The following CCNDBP1 variants were observed in gnomAD, a reference collection of about 807,000 sequenced individuals.
CCNDBP1 encodes cyclin-D1-binding protein 1.
Under a neutral mutation model 46.2 loss-of-function variants are expected in CCNDBP1, and 45 were observed. That is an observed-to-expected ratio of 0.97 (90% CI 0.77 to 1.25). The LOEUF (loss-of-function observed/expected upper bound fraction) is 1.25. Among genes scored for constraint, CCNDBP1 ranks in the 50% most tolerant of loss-of-function variants. The pLI is 0.00. For synonymous variants in CCNDBP1, 154 were observed against 163.6 expected, an observed-to-expected ratio of 0.94 and a Z score of 0.45; for missense variants, 436 against 442.1, an observed-to-expected ratio of 0.99 and a Z score of 0.12.
Position 43,185,454 on chromosome 15 carries a change from G to A in CCNDBP1, c.-45G>A. 1 of 1,445,622 alleles carries A rather than the reference G, an allele frequency of 6.9e-7. No homozygotes were observed. The highest frequency in any genetic ancestry group is 1.4e-5 in the African/African-American group (1 of 71,484). The allele number at this position is 1,445,622 out of a possible 1,614,324, so 89.5% of individuals were successfully genotyped here. A position where few individuals can be genotyped will look rare whatever the true frequency, so the allele number is the denominator to read the frequency against. ...CGGCTGTCGCAGTGCGGCTCCGGCA[G>A]TGGCAGCGGAGGCCTGTGTTTGCGG... On this transcript the variant is annotated 5_prime_UTR_variant, in exon 1 of 11. The change creates a new upstream start codon in the 5' untranslated region. Coordinates refer to ENST00000300213, the MANE Select transcript of CCNDBP1 (RefSeq NM_012142.5).
At chr15:43,189,168 A>G (rs753383589) in intron 3 of CCNDBP1, 31 bp from the exon 4 acceptor site, 6 of 1,284,132 alleles carry the variant, frequency 4.7e-6, no homozygotes, top group Non-Finnish European at 6.8e-6. Flanking sequence ...AGGGTTGACC[A>G]CTTTGATCTA....
chr15:43,185,610 G>A lies in CCNDBP1; in HGVS notation c.109+3G>A, dbSNP rs1472804343. 1.3e-6 allele frequency: 2 copies of A among 1,547,536 alleles called. No individual in the cohort carries two copies. The highest frequency in any genetic ancestry group is 1.7e-6 in the Non-Finnish European group (2 of 1,146,994). The stretch of plus-strand genomic sequence containing the variant: ...GTTGCTCCTGCCTCGAGTGCGGGGT[G>A]AGCTGACGGAGTTAGAACGGGCGAC... On this transcript the variant is annotated splice_donor_region_variant and intron_variant, in intron 1 of 10. Coordinates refer to ENST00000300213, the MANE Select transcript of CCNDBP1 (RefSeq NM_012142.5).
chr15:43,190,890 T>C, intron 6 of CCNDBP1, 76 bp from the exon 7 acceptor site: 1 of 1,167,624 alleles, frequency 8.6e-7, no homozygotes. Flanking sequence ...AGGAACAATG[T>C]GATTGTTCCT....
At chr15:43,188,581 T>C (rs2041889885) in intron 3 of CCNDBP1, 1 of 152,268 alleles carries the variant, frequency 6.6e-6, no homozygotes, top group South Asian at 2.1e-4. Context: ...GGACCACAGT[T>C]TGCCAGCTCC....
chr15:43,190,893 T>C, intron 6 of CCNDBP1, 73 bp from the exon 7 acceptor site: 1 of 1,215,684 alleles, frequency 8.2e-7, no homozygotes, highest in Non-Finnish European at 1.2e-6. Flanking sequence ...AACAATGTGA[T>C]TGTTCCTTGC....
intron 4 of CCNDBP1, 90 bp downstream of exon 4, chr15:43,189,370 C>T: frequency 2.9e-6 from 2 of 691,434 alleles, no homozygotes; most frequent in Non-Finnish European, 2.4e-6. Context: ...CCAACTTGAA[C>T]ATGTAACTTT....
rs933383898 is a variant in CCNDBP1, at chr15:43,185,862, T to A, written c.152T>A (p.Met51Lys). 2 of 1,611,500 alleles carry A rather than the reference T, an allele frequency of 1.2e-6. No homozygotes were observed. The highest frequency in any genetic ancestry group is 1.7e-6 in the Non-Finnish European group (2 of 1,179,914). The change falls in exon 2 of 11, where the codon ATG (methionine) becomes AAG (lysine). Residue 51 changes from methionine (M) to lysine (K), a missense_variant. Transcript: ENST00000300213. ...QETTEEFNRE[M>K]FWRRLNEAAV... Reference sequence around the variant, plus strand: ...ACCACCGAGGAGTTTAATCGAGAGATGTTCTGGAGAAGACTCAGTGAGTGC... The same window carrying A: ...ACCACCGAGGAGTTTAATCGAGAGAAGTTCTGGAGAAGACTCAGTGAGTGC...
At position 43,189,077 on chromosome 15, in the gene CCNDBP1, CAAAAAAAAA is replaced by C. The variant is rs763476042; in HGVS notation, c.250-103_250-95del. ...TGGGTGACAGAGTGAGACTCTGTCT[CAAAAAAAAA>C]AAAAAAAAAAAAAAAAAAGAAAAAG... is the stretch of plus-strand genomic sequence containing the variant. On this transcript the variant is annotated intron_variant, in intron 3 of 10. Transcript: ENST00000300213. The C allele has an allele frequency of 7.2e-5, 11 of 152,204 alleles. No homozygotes were observed. The Admixed American group carries it at 7.9e-4, about 11-fold the overall frequency. The allele number at this position is 152,204 out of a possible 1,614,324, so 9.4% of individuals were successfully genotyped here.
At chr15:43,193,895 T>G (rs1194206027) in intron 9 of CCNDBP1, among the ~76,000 whole-genome samples, 1 of 152,162 alleles carries the variant, frequency 6.6e-6, no homozygotes, top group Non-Finnish European at 1.5e-5. Flanking sequence ...ATAAACATTT[T>G]TAGCAATATG....
rs2041828480 is a variant in CCNDBP1 at position 43,186,153 on chromosome 15, G to C, written c.170-1G>C. 8 of 1,614,018 alleles carry C rather than the reference G, an allele frequency of 5.0e-6. No homozygotes were observed. Among genetic ancestry groups the C allele is most frequent in the East Asian group, 2.2e-5 (1 of 44,884 alleles). ...CTGCCTCCTCTTCGGCCACCCCCCA[G>C]ATGAGGCAGCTGTGACTGTGTCAAG... On this transcript the variant is annotated splice_acceptor_variant, in intron 2 of 10. Coordinates refer to ENST00000300213, the MANE Select transcript of CCNDBP1 (RefSeq NM_012142.5). LOFTEE classifies it high-confidence loss of function.
intron 5 of CCNDBP1, 52 bp downstream of exon 5, chr15:43,190,203 G>A (rs1350388040): frequency 1.3e-5 from 21 of 1,598,030 alleles, no homozygotes; most frequent in African/African-American, 2.7e-5. Flanking sequence ...TTGCCTCAGA[G>A]GGGAAAAGCT....
intron 8 of CCNDBP1, 34 bp from the exon 9 acceptor site, chr15:43,192,709 T>C: frequency 1.9e-6 from 3 of 1,607,464 alleles, no homozygotes; most frequent in South Asian, 1.1e-5. Context: ...GCTGCGTTTT[T>C]TTGTTAATGA....
intron 8 of CCNDBP1, 55 bp downstream of exon 8, chr15:43,191,730 G>A: frequency 6.4e-7 from 1 of 1,556,628 alleles, no homozygotes; most frequent in Admixed American, 1.8e-5. Context: ...ATTTCAATTT[G>A]TGTTGTCACC....
intron 3 of CCNDBP1, among the ~76,000 whole-genome samples, chr15:43,186,957 T>C (rs1484490887): frequency 1.3e-5 from 2 of 152,228 alleles, no homozygotes; most frequent in Non-Finnish European, 2.9e-5. Flanking sequence ...TGTATATTGG[T>C]AGAAAAAATT....
At chr15:43,190,002 A>T in intron 4 of CCNDBP1, 53 bp from the exon 5 acceptor site, 1 of 1,465,460 alleles carries the variant, frequency 6.8e-7, no homozygotes. Flanking sequence ...AGGAAAGCAG[A>T]TGGTGCTTCT....
chr15:43,191,695 G>A lies in CCNDBP1; in HGVS notation c.860+20G>A. The A allele has an allele frequency of 6.3e-7, 1 of 1,595,048 alleles. No homozygotes were observed. The highest frequency in any genetic ancestry group is 8.5e-7 in the Non-Finnish European group (1 of 1,176,140). On this transcript the variant is annotated intron_variant, in intron 8 of 10. Transcript: ENST00000300213. ...CCCTAGGTAAGCGGGATCCCCACTT[G>A]AAACATCTGAGCAGCAGCGTTCTGA...
chr15:43,186,331 T>C, intron 3 of CCNDBP1, 98 bp downstream of exon 3: 1 of 953,780 alleles, frequency 1.0e-6, no homozygotes, highest in Non-Finnish European at 1.6e-6. Context: ...AGGAGATTTC[T>C]TTTCTTCATC....
At chr15:43,189,558 G>T (rs1262581545) in intron 4 of CCNDBP1, 1 of 391,740 alleles carries the variant, frequency 2.6e-6, no homozygotes, top group East Asian at 4.8e-5. Context: ...TAACACCACA[G>T]ATACTGGCTG....
chr15:43,186,004 T>C, intron 2 of CCNDBP1, 125 bp downstream of exon 2: 2 of 1,129,060 alleles, frequency 1.8e-6, no homozygotes, highest in Non-Finnish European at 2.6e-6. Context: ...TGAGGTACCT[T>C]ACCCACCTCA....
Sources: allele counts gnomAD v4.1 joint callset (sites outside exome capture counted in the v4.1 genomes callset), GRCh38; gene constraint gnomAD v4.1.1; transcripts MANE v1.5; gene names NCBI Gene and HGNC (gene_info 2026-07-23, HGNC 2026-07-21).